The following WFS1 variants were observed in gnomAD, a reference collection of about 807,000 sequenced individuals.
WFS1 encodes wolframin.
WFS1 carries 90 observed loss-of-function variants against 68.5 expected under a neutral mutation model. That is an observed-to-expected ratio of 1.31 (90% CI 1.11 to 1.56). The LOEUF (loss-of-function observed/expected upper bound fraction) is 1.56. Among genes scored for constraint, WFS1 ranks in the 40% most tolerant of loss-of-function variants. The pLI, the probability that WFS1 is intolerant of heterozygous loss-of-function variation, is 0.00. For missense variants in WFS1, 1,767 were observed against 1,232.6 expected (o/e 1.43, Z -6.49); for synonymous variants, 860 against 540.7 (o/e 1.59, Z -8.19).
In WFS1 at chr4:6,301,091, G is replaced by C; in HGVS notation, c.1296G>C (p.Leu432=). The change falls in exon 8 of 8, where the codon CTG becomes CTC. Residue 432 remains leucine, a synonymous_variant. Coordinates refer to ENST00000226760, the MANE Select transcript of WFS1 (RefSeq NM_006005.3). ...ASKDCIPCSE[L]AVITGFFTVT... ...AGGACTGCATCCCCTGCTCGGAGCT[G>C]GCTGTCATCACCGGCTTCTTTACCG... 1 of 1,614,012 alleles carries C rather than the reference G, an allele frequency of 6.2e-7. No individual in the cohort carries two copies. The highest frequency in any genetic ancestry group is 8.5e-7 in the Non-Finnish European group (1 of 1,180,028).
At position 6,301,095 on chromosome 4, in the gene WFS1, G is replaced by T; in HGVS notation, c.1300G>T (p.Val434Phe). Reference protein sequence around the residue: ...KDCIPCSELAVITGFFTVTSY... With the variant: ...KDCIPCSELAFITGFFTVTSY... The stretch of plus-strand genomic sequence containing the variant: ...CTGCATCCCCTGCTCGGAGCTGGCT[G>T]TCATCACCGGCTTCTTTACCGTGAC... The change falls in exon 8 of 8, where the codon GTC (valine) becomes TTC (phenylalanine). Residue 434 changes from valine (V) to phenylalanine (F), a missense_variant. Val to Phe is a conservative substitution (Grantham distance 50). Transcript: ENST00000226760. 6.2e-7 allele frequency: 1 copy of T among 1,613,930 alleles called. No individual in the cohort carries two copies. The highest frequency in any genetic ancestry group is 8.5e-7 in the Non-Finnish European group (1 of 1,180,038).
intron 7 of WFS1, among the ~76,000 whole-genome samples, chr4:6,296,400 A>G (rs1161831051): frequency 1.3e-5 from 2 of 152,196 alleles, no homozygotes; most frequent in South Asian, 2.1e-4. Flanking sequence ...CACTTGGGAC[A>G]GGCTGTATGT....
rs777508919 is a variant in WFS1 at position 6,301,141 on chromosome 4, C to T, written c.1346C>T (p.Thr449Ile). The T allele has an allele frequency of 2.5e-6, 4 of 1,613,336 alleles. No individual in the cohort carries two copies. The highest frequency in any genetic ancestry group is 1.1e-5 in the South Asian group (1 of 91,086). The change falls in exon 8 of 8, where the codon ACC (threonine) becomes ATC (isoleucine). Residue 449 changes from threonine (T) to isoleucine (I), a missense_variant. Physicochemically the swap from Thr to Ile is moderately conservative, Grantham distance 89. Transcript: ENST00000226760. ...GTGACCAGCTACCTGAGCCTGAGCA[C>T]CCATGCAGAGCCCTACACGCGCAGG... ...FTVTSYLSLSTHAEPYTRRAL... is the reference protein window; with the variant it reads ...FTVTSYLSLSIHAEPYTRRAL...
rs780762268 is a variant in WFS1, at chr4:6,300,992, G to A, written c.1197G>A (p.Trp399Ter). 3 of 1,613,846 alleles carry A rather than the reference G, an allele frequency of 1.9e-6. No homozygotes were observed. ...AGCAGGCCGAGGTCAACTTCGGCTGGAACCACCTGGAGCCCTATGCCCATT... is the reference window on the plus strand; with the variant it reads ...AGCAGGCCGAGGTCAACTTCGGCTGAAACCACCTGGAGCCCTATGCCCATT... ...DVEQAEVNFG[W>*]NHLEPYAHFL... Residue 399 changes from tryptophan (W) to a stop codon, truncating the protein, a stop_gained, in exon 8 of 8, where the codon TGG becomes TGA. Transcript: ENST00000226760. LOFTEE classifies it high-confidence loss of function.
chr4:6,286,375 G>A (rs892041704), intron 2 of WFS1, among the ~76,000 whole-genome samples: 3 of 152,120 alleles, frequency 2.0e-5, no homozygotes, highest in Non-Finnish European at 4.4e-5. Flanking sequence ...ACCCTGTGAG[G>A]ACACAGCCAG....
chr4:6,284,842 C>G (rs191880811), intron 2 of WFS1, among the ~76,000 whole-genome samples: 5 of 150,472 alleles, frequency 3.3e-5, no homozygotes, highest in Admixed American at 2.0e-4. Context: ...ACACGTGCGT[C>G]TGTGTCATTG....
rs140125843 is a variant in WFS1, at chr4:6,301,587, G to C, written c.1792G>C (p.Ala598Pro). 1.2e-6 allele frequency: 2 copies of C among 1,614,040 alleles called. No homozygotes were observed. The highest frequency in any genetic ancestry group is 1.3e-5 in the African/African-American group (1 of 74,942). The change falls in exon 8 of 8, where the codon GCA (alanine) becomes CCA (proline). Residue 598 changes from alanine to proline, a missense_variant. Ala to Pro is a conservative substitution (Grantham distance 27). Coordinates refer to ENST00000226760, the MANE Select transcript of WFS1 (RefSeq NM_006005.3). Reference sequence around the variant, plus strand: ...CACGTCTCTGGAGCTCACCAAGATCGCAGTCACCGTGGCGGTCTGTAGTGT... The same window carrying C: ...CACGTCTCTGGAGCTCACCAAGATCCCAGTCACCGTGGCGGTCTGTAGTGT... ...WFTSLELTKI[A>P]VTVAVCSVPL...
In WFS1 at chr4:6,302,821, C is replaced by A; in HGVS notation, c.*353C>A. The A allele has an allele frequency of 1.0e-5, 4 of 383,918 alleles. 1 individual carries two copies. The South Asian group carries it at 1.5e-4, about 14-fold the overall frequency. 23.8% of individuals were successfully genotyped at this position (383,918 alleles called of 1,614,324 possible). On this transcript the variant is annotated 3_prime_UTR_variant, in exon 8 of 8. Transcript: ENST00000226760. Reference sequence around the variant, plus strand: ...CTCCCCCACCTTCAAGCACCCTGTTCCCTCTTTCTTTCTTTTGTGTTGGAT... The same window carrying A: ...CTCCCCCACCTTCAAGCACCCTGTTACCTCTTTCTTTCTTTTGTGTTGGAT...
At chr4:6,279,330 A>G (rs940678043) in intron 2 of WFS1, among the ~76,000 whole-genome samples, 1 of 152,234 alleles carries the variant, frequency 6.6e-6, no homozygotes, top group Non-Finnish European at 1.5e-5. Flanking sequence ...TTTTTAGGGC[A>G]TTAGCCCACT....
intron 7 of WFS1, among the ~76,000 whole-genome samples, chr4:6,298,176 G>A (rs541715105): frequency 2.6e-5 from 4 of 152,232 alleles, no homozygotes; most frequent in Middle Eastern, 3.2e-3. Context: ...CCTGCTGTTC[G>A]CAAGGCCCCC....
rs575790481 is a variant in WFS1 at position 6,300,437 on chromosome 4, G to A, written c.862-220G>A. ...GGAGCCAGGCACGGGGCAGAGGGGG[G>A]CTCCAGGCCCAGAAGAGGGAGGGCT... is the stretch of plus-strand genomic sequence containing the variant. On this transcript the variant is annotated intron_variant, in intron 7 of 7. Transcript: ENST00000226760. Among the ~76,000 whole-genome samples the A allele has an allele frequency of 7.2e-5, 11 of 152,210 alleles. No homozygotes were observed. The South Asian group carries it at 1.5e-3, about 20-fold the overall frequency.
intron 7 of WFS1, 57 bp downstream of exon 7, chr4:6,295,246 T>C: frequency 1.2e-6 from 2 of 1,604,390 alleles, no homozygotes; most frequent in Non-Finnish European, 1.7e-6. Flanking sequence ...CTCGCGCACC[T>C]CAGGCAGGGC....
Position 6,287,197 on chromosome 4 carries a change from G to C in WFS1, c.315+22G>C. ...TGAGGTGAGGACTGCGGTGCCGGCA[G>C]GGACTTCGGGACGCGGCCCCCGGCA... On this transcript the variant is annotated intron_variant, in intron 3 of 7. Transcript: ENST00000226760. This position sits in a 1 kb window ranked among gnomAD's most constrained non-coding sequence, Gnocchi z 6.4. 1 of 1,548,408 alleles carries C rather than the reference G, an allele frequency of 6.5e-7. No homozygotes were observed.
rs557048986 is a variant in WFS1, at chr4:6,302,227, A to T, written c.2432A>T (p.Lys811Met). Reference sequence around the variant, plus strand: ...GTGCTGCGGGCCAGCAGCGAGTTCAAGAGCGTGCTGCTCAGCCTGCGCCAG... The same window carrying T: ...GTGCTGCGGGCCAGCAGCGAGTTCATGAGCGTGCTGCTCAGCCTGCGCCAG... Reference protein sequence around the residue: ...DIVLRASSEFKSVLLSLRQGS... With the variant: ...DIVLRASSEFMSVLLSLRQGS... The change falls in exon 8 of 8, where the codon AAG becomes ATG. Residue 811 changes from lysine (K) to methionine (M), a missense_variant. Coordinates refer to ENST00000226760, the MANE Select transcript of WFS1 (RefSeq NM_006005.3). 3.1e-6 allele frequency: 5 copies of T among 1,609,836 alleles called. No homozygotes were observed. The African/African-American group carries it at 5.3e-5, about 17-fold the overall frequency.
intron 2 of WFS1, 25 bp downstream of exon 2, chr4:6,277,712 A>T: frequency 6.5e-7 from 1 of 1,549,558 alleles, no homozygotes; most frequent in Non-Finnish European, 8.7e-7. Flanking sequence ...TGGGAAGCCC[A>T]GGCTGGGGAT....
chr4:6,274,942 T>C (rs1285325241), intron 1 of WFS1, among the ~76,000 whole-genome samples: 3 of 152,162 alleles, frequency 2.0e-5, no homozygotes, highest in African/African-American at 7.2e-5. Context: ...CTGTTTGACC[T>C]TGAGCAGGTC....
intron 1 of WFS1, among the ~76,000 whole-genome samples, chr4:6,274,811 C>T (rs371475276): frequency 8.5e-5 from 9 of 105,504 alleles, no homozygotes; most frequent in Admixed American, 2.2e-4. Context: ...GAATGGGCCC[C>T]GGGAGAGAGG....
intron 1 of WFS1, among the ~76,000 whole-genome samples, chr4:6,275,279 C>T (rs1452623584): frequency 1.3e-5 from 2 of 152,194 alleles, no homozygotes; most frequent in Admixed American, 6.5e-5. Context: ...GACAAGGCCA[C>T]GTGTCATTTG....
At chr4:6,292,134 C>T in intron 6 of WFS1, 137 bp downstream of exon 6, 1 of 879,598 alleles carries the variant, frequency 1.1e-6, no homozygotes, top group South Asian at 1.5e-5. Flanking sequence ...AGGGCGACCT[C>T]TCCTTCCTGT....
Sources: allele counts gnomAD v4.1 joint callset (sites outside exome capture counted in the v4.1 genomes callset), GRCh38; gene constraint gnomAD v4.1.1; non-coding constraint Gnocchi (gnomAD v3.1); transcripts MANE v1.5; gene names NCBI Gene and HGNC (gene_info 2026-07-23, HGNC 2026-07-21).